The following CYYR1 variants were observed in gnomAD, a reference collection of about 807,000 sequenced individuals.
CYYR1 encodes cysteine and tyrosine-rich protein 1.
CYYR1 carries 14 observed loss-of-function variants against 15.2 expected under a neutral mutation model. The observed-to-expected ratio is 0.92, with a 90% CI of 0.61 to 1.44. CYYR1 has a LOEUF of 1.44. Among genes scored for constraint, CYYR1 ranks in the 40% most tolerant of loss-of-function variants. The pLI, the probability that CYYR1 is intolerant of heterozygous loss-of-function variation, is 0.00. For missense variants in CYYR1, 228 were observed against 209.5 expected, an observed-to-expected ratio of 1.09 and a Z score of -0.54; for synonymous variants, 80 against 77.4, an observed-to-expected ratio of 1.03 and a Z score of -0.18.
chr21:26,494,986 G>A (rs1017057414), intron 2 of CYYR1, among the ~76,000 whole-genome samples: 5 of 152,134 alleles, frequency 3.3e-5, no homozygotes, highest in Non-Finnish European at 5.9e-5. Flanking sequence ...AGAAGTCAGA[G>A]AAACTGAATT....
intron 2 of CYYR1, among the ~76,000 whole-genome samples, chr21:26,517,835 C>T (rs893852433): frequency 2.2e-4 from 34 of 152,250 alleles, no homozygotes; most frequent in African/African-American, 6.3e-4. Flanking sequence ...GGATTACAGA[C>T]GTGAGTCACC....
Position 26,473,805 on chromosome 21 carries a change from C to T in CYYR1, c.335-5171G>A, listed in dbSNP as rs913246704. ...CTCAGGAAGTGGAAAGGGACATTCA[C>T]ATCACCTTTTTACTCTAATTAAAAT... On this transcript the variant is annotated intron_variant, in intron 3 of 3. Transcript: ENST00000652641. Among the ~76,000 whole-genome samples the T allele has an allele frequency of 6.6e-5, 10 of 152,248 alleles. 1 individual carries two copies. In the East Asian group the frequency reaches 1.7e-3, roughly 26 times the overall value.
At chr21:26,476,483 ATTCTT>A (rs1424523117) in intron 3 of CYYR1, among the ~76,000 whole-genome samples, 1 of 152,054 alleles carries the variant, frequency 6.6e-6, no homozygotes, top group Non-Finnish European at 1.5e-5. Context: ...TCTTAAAACA[ATTCTT>A]TTCAATTCTA....
At chr21:26,535,518 C>T (rs1269727156) in intron 2 of CYYR1, among the ~76,000 whole-genome samples, 5 of 152,186 alleles carry the variant, frequency 3.3e-5, no homozygotes, top group African/African-American at 9.7e-5. Flanking sequence ...TTTGCTCCTT[C>T]TATTCGTTTG....
At chr21:26,477,661 T>TA in intron 3 of CYYR1, 1 of 775,174 alleles carries the variant, frequency 1.3e-6, no homozygotes, top group Non-Finnish European at 1.6e-6. Flanking sequence ...TAAAAATATT[T>TA]AAACATTATT....
At chr21:26,543,683 A>C (rs1462471701) in intron 2 of CYYR1, among the ~76,000 whole-genome samples, 1 of 152,114 alleles carries the variant, frequency 6.6e-6, no homozygotes, top group Non-Finnish European at 1.5e-5. Flanking sequence ...AGGCGGGTGG[A>C]TCACCTGAGG....
intron 2 of CYYR1, among the ~76,000 whole-genome samples, chr21:26,556,472 C>G (rs1979789274): frequency 6.6e-6 from 1 of 152,086 alleles, no homozygotes; most frequent in Admixed American, 6.5e-5. Context: ...TCTGTCTTCA[C>G]ACTGCTAGGA....
intron 2 of CYYR1, among the ~76,000 whole-genome samples, chr21:26,507,498 G>T (rs1466330752): frequency 6.6e-6 from 1 of 152,082 alleles, no homozygotes; most frequent in Non-Finnish European, 1.5e-5. Context: ...ATTTCTAGAA[G>T]AACCAACAAA....
chr21:26,541,780 A>T (rs1978564536), intron 2 of CYYR1, among the ~76,000 whole-genome samples: 1 of 152,232 alleles, frequency 6.6e-6, no homozygotes, highest in East Asian at 1.9e-4. Flanking sequence ...GACCTATAGG[A>T]TTGCAAAGTT....
chr21:26,486,033 G>A (rs1294872901), intron 2 of CYYR1, among the ~76,000 whole-genome samples: 2 of 152,006 alleles, frequency 1.3e-5, no homozygotes, highest in Non-Finnish European at 2.9e-5. Flanking sequence ...TCCCGTAATG[G>A]CTAGCAAGGT....
intron 2 of CYYR1, among the ~76,000 whole-genome samples, chr21:26,482,978 T>C (rs2065202135): frequency 6.6e-6 from 1 of 152,038 alleles, no homozygotes; most frequent in Non-Finnish European, 1.5e-5. Context: ...CTCCATACAA[T>C]GTTAATTTTT....
chr21:26,539,710 A>G (rs1240184464), intron 2 of CYYR1, among the ~76,000 whole-genome samples: 1 of 152,148 alleles, frequency 6.6e-6, no homozygotes, highest in African/African-American at 2.4e-5. Context: ...CAGTGGTTAA[A>G]CTATTTCCCA....
intron 2 of CYYR1, among the ~76,000 whole-genome samples, chr21:26,562,799 AACACACACACAC>A (rs57351372): frequency 7.5e-6 from 1 of 132,492 alleles, no homozygotes. Flanking sequence ...GACATACACA[AACACACACACAC>A]ACACACACAC....
chr21:26,557,951 T>A (rs1979915048), intron 2 of CYYR1, among the ~76,000 whole-genome samples: 1 of 152,208 alleles, frequency 6.6e-6, no homozygotes, highest in African/African-American at 2.4e-5. Context: ...TCAGAATTAA[T>A]TCAGACATGT....
chr21:26,522,843 A>T (rs1298598191), intron 2 of CYYR1, among the ~76,000 whole-genome samples: 4 of 152,232 alleles, frequency 2.6e-5, no homozygotes, highest in Admixed American at 6.5e-5. Context: ...AAAGGTGAAT[A>T]CGTTTTTCCA....
chr21:26,496,921 A>C (rs1437348627), intron 2 of CYYR1, among the ~76,000 whole-genome samples: 1 of 152,184 alleles, frequency 6.6e-6, no homozygotes, highest in Non-Finnish European at 1.5e-5. Context: ...TATAACTTTT[A>C]TTCAAAAATT....
chr21:26,470,383 C>A (rs954054469), intron 3 of CYYR1, among the ~76,000 whole-genome samples: 3 of 152,142 alleles, frequency 2.0e-5, no homozygotes, highest in Non-Finnish European at 4.4e-5. Context: ...TGTGTCCCCA[C>A]CCAAATGTCA....
At chr21:26,485,183 C>T (rs1020485632) in intron 2 of CYYR1, among the ~76,000 whole-genome samples, 2 of 152,018 alleles carry the variant, frequency 1.3e-5, no homozygotes, top group African/African-American at 4.8e-5. Flanking sequence ...ATTTTCCTCT[C>T]TCCTTTTAAA....
At chr21:26,512,178 G>A (rs222921) in intron 2 of CYYR1, among the ~76,000 whole-genome samples, 102,169 of 151,868 alleles carry the variant, frequency 0.67, 35,525 homozygotes, top group African/African-American at 0.84. Context: ...TAGGAGTATC[G>A]TTCACATTCA....
Sources: allele counts gnomAD v4.1 joint callset (sites outside exome capture counted in the v4.1 genomes callset), GRCh38; gene constraint gnomAD v4.1.1; transcripts MANE v1.5; gene names NCBI Gene and HGNC (gene_info 2026-07-23, HGNC 2026-07-21).